SPTBN1: variants seen among roughly 807,000 people sequenced by gnomAD.
SPTBN1 encodes the protein spectrin beta chain, non-erythrocytic 1.
SPTBN1 carries 32 observed loss-of-function variants against 266.4 expected under a neutral mutation model. The ratio of observed to expected loss-of-function variants is 0.12; its 90% CI spans 0.09 to 0.16. The LOEUF (loss-of-function observed/expected upper bound fraction) is 0.16, where lower values mean the gene tolerates loss of function less well. Ranked by LOEUF, SPTBN1 falls within the 10% of genes least tolerant of loss-of-function variation. The probability of loss-of-function intolerance (pLI) is 1.00; values close to 1 mark genes in which losing one functional copy is unlikely to be tolerated. For synonymous variants in SPTBN1, 1,336 were observed against 1,162.2 expected (o/e 1.15, Z -3.04); for missense variants, 2,296 against 3,067.1 (o/e 0.75, Z 5.94).
At chr2:54,476,784 C>G (rs1306236852) in intron 1 of SPTBN1, among the ~76,000 whole-genome samples, 1 of 152,164 alleles carries the variant, frequency 6.6e-6, no homozygotes, top group Non-Finnish European at 1.5e-5. Flanking sequence ...AAAGAGTTGA[C>G]TATTTGAAGA....
intron 1 of SPTBN1, among the ~76,000 whole-genome samples, chr2:54,522,675 A>AG (rs1173030944): frequency 0.038 from 3,637 of 95,248 alleles, 180 homozygotes; most frequent in African/African-American, 0.097. Flanking sequence ...AGAGAGAGAG[A>AG]GAGGAGAGAG....
chr2:54,458,353 G>T (rs749605949), intron 1 of SPTBN1, among the ~76,000 whole-genome samples: 1 of 151,854 alleles, frequency 6.6e-6, no homozygotes, highest in Non-Finnish European at 1.5e-5. Context: ...TGTTTTCATC[G>T]TTTGCTTTTT....
At chr2:54,462,851 A>G (rs1177215137) in intron 1 of SPTBN1, among the ~76,000 whole-genome samples, 6 of 152,244 alleles carry the variant, frequency 3.9e-5, no homozygotes, top group South Asian at 2.1e-4. Context: ...CCTGGCAGAC[A>G]TCGAAAATCA....
chr2:54,660,011 C>T lies in SPTBN1; in HGVS notation c.6420+12C>T. 1 of 1,614,232 alleles carries T rather than the reference C, an allele frequency of 6.2e-7. No individual in the cohort carries two copies. The highest frequency in any genetic ancestry group is 8.5e-7 in the Non-Finnish European group (1 of 1,180,044). On this transcript the variant is annotated intron_variant, in intron 32 of 35. Transcript: ENST00000356805. ...AGGGATCTCCACGGGTTAGTTACCG[C>T]TCTCAAACCTACCAAAACTACAAAA... is the stretch of plus-strand genomic sequence containing the variant.
chr2:54,587,204 C>T (rs1339081569), intron 2 of SPTBN1, among the ~76,000 whole-genome samples: 1 of 152,160 alleles, frequency 6.6e-6, no homozygotes, highest in Non-Finnish European at 1.5e-5. Context: ...TACCTTTAGC[C>T]CTTGAAAATG....
At chr2:54,513,156 C>T (rs766436928) in intron 1 of SPTBN1, among the ~76,000 whole-genome samples, 70 of 152,260 alleles carry the variant, frequency 4.6e-4, no homozygotes, top group Middle Eastern at 3.4e-3. Flanking sequence ...GCCTGGGCAA[C>T]GGAGTGAATC....
At position 54,631,116 on chromosome 2, in the gene SPTBN1, G is replaced by T. The variant is rs76907296; in HGVS notation, c.3069G>T (p.Glu1023Asp). Reference protein sequence around the residue: ...SDLQKEAEKLESEHPDQAQAI... With the variant: ...SDLQKEAEKLDSEHPDQAQAI... ...TGCAGAAGGAGGCGGAGAAGCTGGA[G>T]TCCGAGCACCCCGACCAGGCCCAGG... is the stretch of plus-strand genomic sequence containing the variant. Residue 1023 changes from glutamate to aspartate, a missense_variant, in exon 16 of 36, where the codon GAG becomes GAT. By Grantham distance (45) the Glu-to-Asp change is conservative. This residue lies in a region of SPTBN1 where 128 missense variants were observed against 176.5 expected (regional missense o/e 0.73). Transcript: ENST00000356805. 0.014 allele frequency: 22,175 copies of T among 1,614,210 alleles called. 392 individuals are homozygous for T. Among genetic ancestry groups the T allele is most frequent in the South Asian group, 0.064 (5,830 of 91,086 alleles).
intron 27 of SPTBN1, 101 bp from the exon 28 acceptor site, chr2:54,654,969 C>T: frequency 1.5e-6 from 1 of 651,004 alleles, no homozygotes. Flanking sequence ...CAGTTTCTTT[C>T]AAGGCCATCA....
intron 1 of SPTBN1, among the ~76,000 whole-genome samples, chr2:54,524,906 C>T (rs1328402546): frequency 6.6e-6 from 1 of 152,156 alleles, no homozygotes; most frequent in African/African-American, 2.4e-5. Flanking sequence ...GAGAGGCCTT[C>T]CCTGATCACC....
chr2:54,487,280 T>G (rs1271053484), intron 1 of SPTBN1, among the ~76,000 whole-genome samples: 1 of 151,866 alleles, frequency 6.6e-6, no homozygotes, highest in East Asian at 1.9e-4. Context: ...TTTTGTCTAT[T>G]ATCAGAAAAA....
At chr2:54,658,136 C>T (rs1680800453) in intron 30 of SPTBN1, 90 bp downstream of exon 30, 5 of 1,474,060 alleles carry the variant, frequency 3.4e-6, no homozygotes, top group African/African-American at 2.9e-5. Flanking sequence ...CACACGATTG[C>T]TTGTTTTTGT....
At chr2:54,462,871 C>G (rs1031476059) in intron 1 of SPTBN1, among the ~76,000 whole-genome samples, 1 of 152,224 alleles carries the variant, frequency 6.6e-6, no homozygotes, top group African/African-American at 2.4e-5. Context: ...AGTAATGGTA[C>G]TCTTTTTCCA....
At chr2:54,456,678 A>C (rs979803287) in intron 1 of SPTBN1, among the ~76,000 whole-genome samples, 160 bp downstream of exon 1, 4 of 150,636 alleles carry the variant, frequency 2.7e-5, no homozygotes, top group African/African-American at 9.7e-5. Flanking sequence ...GGGGGCAGGG[A>C]GGCTGCAAAG....
chr2:54,612,114 C>T, intron 3 of SPTBN1, 47 bp from the exon 4 acceptor site: 2 of 1,526,726 alleles, frequency 1.3e-6, no homozygotes, highest in Non-Finnish European at 1.8e-6. Flanking sequence ...GGGTTCATCT[C>T]TACTCTGTTG....
intron 1 of SPTBN1, among the ~76,000 whole-genome samples, chr2:54,489,642 T>A (rs1668582138): frequency 2.0e-5 from 3 of 152,268 alleles, no homozygotes; most frequent in Admixed American, 6.5e-5. Context: ...GAGGTTGCAG[T>A]GAGCTGAGAT....
intron 1 of SPTBN1, among the ~76,000 whole-genome samples, chr2:54,521,827 A>G (rs1670459726): frequency 6.6e-6 from 1 of 151,224 alleles, no homozygotes; most frequent in Admixed American, 6.6e-5. Context: ...CTTGGCATAT[A>G]TTTATTTATT....
In SPTBN1 at chr2:54,669,258, AATAC is replaced by A. The variant is rs1390811965; in HGVS notation, c.*692_*695del. ...AATTTCAATTTTTTTTTTTTGCTGA[AATAC>A]ATTATATTGTACGTTTGAGATAATT... is the stretch of plus-strand genomic sequence containing the variant. On this transcript the variant is annotated 3_prime_UTR_variant, in exon 36 of 36. Transcript: ENST00000356805. 7 of 143,568 alleles carry A rather than the reference AATAC, an allele frequency of 4.9e-5. No individual in the cohort carries two copies. The highest frequency in any genetic ancestry group is 1.3e-4 in the African/African-American group (5 of 39,370). The allele number at this position is 143,568 out of a possible 1,614,324, so 8.9% of individuals were successfully genotyped here. A position where few individuals can be genotyped will look rare whatever the true frequency, so the allele number is the denominator to read the frequency against.
At chr2:54,536,638 C>G (rs1323145129) in intron 2 of SPTBN1, among the ~76,000 whole-genome samples, 2 of 152,136 alleles carry the variant, frequency 1.3e-5, no homozygotes, top group African/African-American at 2.4e-5. Context: ...AAAAATCATG[C>G]TTAGAAAATT....
At chr2:54,546,984 A>G (rs34308676) in intron 2 of SPTBN1, among the ~76,000 whole-genome samples, 22,559 of 151,604 alleles carry the variant, frequency 0.15, 1,769 homozygotes, top group Middle Eastern at 0.2. Flanking sequence ...ACCACATAAC[A>G]TAAGGTTTAC....
Sources: gnomAD v4.1 joint callset for allele counts (sites outside exome capture counted in the v4.1 genomes callset) on GRCh38, gnomAD v4.1.1 for gene constraint, gnomAD v4.1.1 regional missense constraint, MANE v1.5 for transcripts, NCBI Gene and HGNC (gene_info 2026-07-23, HGNC 2026-07-21) for gene names.